The following HMGB1 variants were observed in gnomAD, a reference collection of about 807,000 sequenced individuals.
HMGB1 encodes the protein high mobility group box 1.
For missense variants in HMGB1, 79 were observed against 253.5 expected (o/e 0.31, Z 4.67); for synonymous variants, 81 against 84.0 (o/e 0.96, Z 0.19).
chr13:30,518,909 T>G (rs1258253804), intron 1 of HMGB1, among the ~76,000 whole-genome samples: 1 of 151,558 alleles, frequency 6.6e-6, no homozygotes, highest in African/African-American at 2.4e-5. Context: ...TATTTTATTT[T>G]TATTTTTATT....
At chr13:30,461,664 A>G (rs919525885) in intron 4 of HMGB1, 131 bp from the exon 5 acceptor site, 3 of 1,591,092 alleles carry the variant, frequency 1.9e-6, no homozygotes, top group Non-Finnish European at 2.6e-6. Flanking sequence ...CTGTAGATCC[A>G]CAGCAACTCC....
At chr13:30,465,108 G>C (rs1886680942) in intron 1 of HMGB1, 1 of 952,214 alleles carries the variant, frequency 1.1e-6, no homozygotes, top group Non-Finnish European at 1.2e-6. Context: ...CCGCCCGCCC[G>C]CCTTGTTTTC....
intron 1 of HMGB1, among the ~76,000 whole-genome samples, chr13:30,558,815 G>A (rs1225918692): frequency 6.6e-5 from 10 of 152,080 alleles, no homozygotes; most frequent in Non-Finnish European, 1.3e-4. Context: ...AAATTCTTGG[G>A]CCCCACCCCA....
At chr13:30,519,261 C>T (rs977969940) in intron 1 of HMGB1, among the ~76,000 whole-genome samples, 13 of 151,550 alleles carry the variant, frequency 8.6e-5, no homozygotes, top group African/African-American at 3.2e-4. Flanking sequence ...GACGTGGTGG[C>T]ACACATCTGT....
At chr13:30,476,444 G>A (rs1887100646) in intron 1 of HMGB1, among the ~76,000 whole-genome samples, 1 of 152,122 alleles carries the variant, frequency 6.6e-6, no homozygotes, top group African/African-American at 2.4e-5. Flanking sequence ...CAGCCAGCAT[G>A]TACTCTTGAG....
chr13:30,564,703 T>G (rs1048580483), intron 1 of HMGB1, among the ~76,000 whole-genome samples: 7 of 152,246 alleles, frequency 4.6e-5, no homozygotes, highest in African/African-American at 1.7e-4. Context: ...TTTTCAAATA[T>G]GTACTTTTAT....
At chr13:30,546,380 C>A (rs1386870738) in intron 1 of HMGB1, among the ~76,000 whole-genome samples, 3 of 152,226 alleles carry the variant, frequency 2.0e-5, no homozygotes, top group Non-Finnish European at 4.4e-5. Context: ...TCCCAAAATG[C>A]TGGGATTACA....
In HMGB1 at chr13:30,551,449, A is replaced by G. The variant is rs79866589; in HGVS notation, c.-15+65222T>C. Among the ~76,000 whole-genome samples the G allele has an allele frequency of 2.1e-4, 32 of 152,338 alleles. No homozygotes were observed. In the East Asian group the frequency reaches 4.8e-3, roughly 23 times the overall value. The stretch of plus-strand genomic sequence containing the variant: ...TGGCACCATTTTCCGGTAGGCCTAT[A>G]GAACCTGTAACCTTAAATACCATAA... On this transcript the variant is annotated intron_variant, in intron 1 of 4. Coordinates refer to the HMGB1 transcript ENST00000405805.
rs967964410 is a variant in HMGB1, at chr13:30,554,694, G to C, written c.-15+61977C>G. 9 of 771,008 alleles carry C rather than the reference G, an allele frequency of 1.2e-5. No homozygotes were observed. The Admixed American group carries it at 1.5e-4, about 13-fold the overall frequency. The allele number at this position is 771,008 out of a possible 1,614,324, so 47.8% of individuals were successfully genotyped here. A position where few individuals can be genotyped will look rare whatever the true frequency, so the allele number is the denominator to read the frequency against. On this transcript the variant is annotated intron_variant, in intron 1 of 4. Transcript: ENST00000405805. Reference sequence around the variant, plus strand: ...GCAAGATACAATGGAAGAGAACAGTGAGAATGCTCTACGGAAACATATTCT... The same window carrying C: ...GCAAGATACAATGGAAGAGAACAGTCAGAATGCTCTACGGAAACATATTCT...
At chr13:30,521,564 G>A (rs952738024) in intron 1 of HMGB1, among the ~76,000 whole-genome samples, 1 of 152,046 alleles carries the variant, frequency 6.6e-6, no homozygotes, top group African/African-American at 2.4e-5. Flanking sequence ...TCCTTTTATT[G>A]TTGAATAATA....
intron 1 of HMGB1, among the ~76,000 whole-genome samples, chr13:30,481,262 GA>G (rs141070482): frequency 6.1e-5 from 8 of 130,360 alleles, no homozygotes; most frequent in East Asian, 2.8e-4. Context: ...TTTTGATGGA[GA>G]AAAAAAAAAC....
chr13:30,593,868 T>C (rs1473727846), intron 1 of HMGB1, among the ~76,000 whole-genome samples: 2 of 152,172 alleles, frequency 1.3e-5, no homozygotes, highest in Non-Finnish European at 2.9e-5. Context: ...AAGACGGCTA[T>C]GGAAATGTTA....
rs9508763 is a variant in HMGB1 at position 30,505,420 on chromosome 13, A to T, written c.-14-41726T>A. ...GTCTCCATCTCCTGACCTCGTGATC[A>T]GCCCACCTTGACCTCCCAAAGTGCT... On this transcript the variant is annotated intron_variant, in intron 1 of 4. Transcript: ENST00000405805. Among the ~76,000 whole-genome samples, 1,015 of 149,718 alleles carry T rather than the reference A, an allele frequency of 6.8e-3. 6 individuals carry two copies. The highest frequency in any genetic ancestry group is 8.7e-3 in the Non-Finnish European group (591 of 67,976).
chr13:30,518,512 C>T (rs1436723184), intron 1 of HMGB1, among the ~76,000 whole-genome samples: 1 of 152,146 alleles, frequency 6.6e-6, no homozygotes, highest in South Asian at 2.1e-4. Flanking sequence ...CATTTAGTTG[C>T]TGAAGGACTC....
At chr13:30,474,375 A>G (rs937421648) in intron 1 of HMGB1, among the ~76,000 whole-genome samples, 2 of 152,080 alleles carry the variant, frequency 1.3e-5, no homozygotes, top group Non-Finnish European at 2.9e-5. Context: ...TAGAATTTTC[A>G]TCTATTATTG....
intron 1 of HMGB1, among the ~76,000 whole-genome samples, chr13:30,547,621 T>C (rs926419088): frequency 9.2e-5 from 14 of 151,870 alleles, no homozygotes; most frequent in African/African-American, 3.4e-4. Flanking sequence ...AACAGGACTT[T>C]AGATTTTTTT....
intron 1 of HMGB1, among the ~76,000 whole-genome samples, chr13:30,500,353 A>C (rs928466822): frequency 6.6e-6 from 1 of 152,088 alleles, no homozygotes. Flanking sequence ...CAGGAGATGC[A>C]AGTTGAGTAT....
chr13:30,529,028 C>CAAAAAAAAAAAAAAAA (rs59654057), intron 1 of HMGB1, among the ~76,000 whole-genome samples: 1 of 53,518 alleles, frequency 1.9e-5, no homozygotes, highest in African/African-American at 7.0e-5. Flanking sequence ...GACTGCGTCT[C>CAAAAAAAAAAAAAAAA]AAAAAAAAAA....
chr13:30,553,379 C>G (rs1194191740), intron 1 of HMGB1, among the ~76,000 whole-genome samples: 2 of 152,206 alleles, frequency 1.3e-5, no homozygotes, highest in African/African-American at 4.8e-5. Context: ...GCCAGACAGA[C>G]CTGACTTTGA....
Sources: allele counts gnomAD v4.1 joint callset (sites outside exome capture counted in the v4.1 genomes callset), GRCh38; gene constraint gnomAD v4.1.1; transcripts MANE v1.5; gene names NCBI Gene and HGNC (gene_info 2026-07-23, HGNC 2026-07-21).